Variants in UNC13C observed in about 807,000 individuals in gnomAD.
UNC13C encodes the protein protein unc-13 homolog C.
In UNC13C, 174 loss-of-function variants were observed where a neutral mutation model predicts 245.4. The ratio of observed to expected loss-of-function variants is 0.71; its 90% CI spans 0.63 to 0.80. The LOEUF (loss-of-function observed/expected upper bound fraction) is 0.80. Among genes scored for constraint, UNC13C ranks in the 30% least tolerant of loss-of-function variants. UNC13C has a pLI of 0.00. For synonymous variants in UNC13C, 992 were observed against 895.1 expected (o/e 1.11, Z -1.93); for missense variants, 2,829 against 2,602.9 (o/e 1.09, Z -1.89).
At chr15:54,593,398 A>G (rs1898907611) in intron 30 of UNC13C, among the ~76,000 whole-genome samples, 1 of 152,154 alleles carries the variant, frequency 6.6e-6, no homozygotes, top group Non-Finnish European at 1.5e-5. Context: ...ATTTCTCCAA[A>G]TATGTTTTCC....
At chr15:54,490,734 G>A (rs1224006462) in intron 19 of UNC13C, among the ~76,000 whole-genome samples, 15 of 151,416 alleles carry the variant, frequency 9.9e-5, no homozygotes, top group Non-Finnish European at 1.8e-4. Context: ...AAAAACATGA[G>A]TAGAGAGACA....
At chr15:54,613,626 G>A (rs1022001730) in intron 30 of UNC13C, among the ~76,000 whole-genome samples, 3 of 151,958 alleles carry the variant, frequency 2.0e-5, no homozygotes, top group Non-Finnish European at 4.4e-5. Context: ...AGAGACCAGG[G>A]AGGAGAACTC....
intron 24 of UNC13C, among the ~76,000 whole-genome samples, chr15:54,517,512 T>C (rs1299767704): frequency 6.6e-6 from 1 of 152,116 alleles, no homozygotes; most frequent in African/African-American, 2.4e-5. Context: ...AGAGATGCCT[T>C]TTAGCACTTA....
chr15:54,543,054 G>T (rs554330372), intron 26 of UNC13C, among the ~76,000 whole-genome samples: 1 of 152,048 alleles, frequency 6.6e-6, no homozygotes, highest in Non-Finnish European at 1.5e-5. Flanking sequence ...ATGCTACCTG[G>T]TTATTTTGCC....
At chr15:54,346,037 T>C (rs2038852534) in intron 17 of UNC13C, among the ~76,000 whole-genome samples, 1 of 152,152 alleles carries the variant, frequency 6.6e-6, no homozygotes, top group Admixed American at 6.5e-5. Flanking sequence ...GGTGTTTCGG[T>C]TCTCTATTCT....
chr15:54,136,410 C>T (rs1050761318), intron 2 of UNC13C, among the ~76,000 whole-genome samples: 3 of 152,044 alleles, frequency 2.0e-5, no homozygotes, highest in Admixed American at 6.5e-5. Flanking sequence ...TTTATCATGA[C>T]ACTTTAGATT....
At chr15:54,361,640 C>T (rs1173915111) in intron 17 of UNC13C, among the ~76,000 whole-genome samples, 2 of 152,176 alleles carry the variant, frequency 1.3e-5, no homozygotes, top group Admixed American at 6.5e-5. Context: ...TGGTATTAGA[C>T]CTTTACTACT....
At chr15:54,119,632 C>G (rs1201823196) in intron 2 of UNC13C, among the ~76,000 whole-genome samples, 3 of 152,068 alleles carry the variant, frequency 2.0e-5, no homozygotes, top group African/African-American at 4.8e-5. Context: ...AAATTGAAAA[C>G]TAGAAATGAT....
chr15:53,894,825 A>T, the UNC13C span, among the ~76,000 whole-genome samples: 1 of 152,194 alleles, frequency 6.6e-6, no homozygotes, highest in Non-Finnish European at 1.5e-5. Context: ...TTTGATATTT[A>T]CAAAAGTCAA....
chr15:54,281,041 G>A (rs965863650), intron 10 of UNC13C, among the ~76,000 whole-genome samples: 9 of 151,922 alleles, frequency 5.9e-5, no homozygotes, highest in South Asian at 4.2e-4. Context: ...CAAGTGATCC[G>A]CCTGCCTCAG....
chr15:54,297,737 TAGC>T, intron 11 of UNC13C, 71 bp from the exon 12 acceptor site: 1 of 1,146,366 alleles, frequency 8.7e-7, no homozygotes, highest in Non-Finnish European at 1.3e-6. Flanking sequence ...TTTTGTTTTT[TAGC>T]TTTTGAGAGG....
chr15:54,522,088 G>A (rs1180672636), intron 24 of UNC13C, among the ~76,000 whole-genome samples: 1 of 152,122 alleles, frequency 6.6e-6, no homozygotes, highest in South Asian at 2.1e-4. Context: ...GCGAAAATTT[G>A]CAAAAGGAGA....
At chr15:54,491,773 C>A (rs1176991824) in intron 19 of UNC13C, among the ~76,000 whole-genome samples, 1 of 151,894 alleles carries the variant, frequency 6.6e-6, no homozygotes, top group African/African-American at 2.4e-5. Context: ...GAGGCCGAGG[C>A]GGGGGGATCA....
intron 30 of UNC13C, among the ~76,000 whole-genome samples, chr15:54,594,279 G>C (rs1430169119): frequency 1.3e-5 from 2 of 152,128 alleles, no homozygotes; most frequent in Admixed American, 1.3e-4. Flanking sequence ...GTGGCTGAAA[G>C]CTCTTTTTTT....
chr15:54,131,357 A>G (rs1218054612), intron 2 of UNC13C, among the ~76,000 whole-genome samples: 1 of 152,164 alleles, frequency 6.6e-6, no homozygotes, highest in Admixed American at 6.5e-5. Context: ...CCACATTGCG[A>G]TTAGGATATA....
At chr15:54,241,331 C>A (rs73411931) in intron 7 of UNC13C, among the ~76,000 whole-genome samples, 1 of 151,926 alleles carries the variant, frequency 6.6e-6, no homozygotes, top group East Asian at 1.9e-4. Flanking sequence ...ATCAGGAGAT[C>A]AAACCGGAGC....
intron 30 of UNC13C, among the ~76,000 whole-genome samples, chr15:54,600,133 T>A (rs1899329967): frequency 6.6e-6 from 1 of 152,040 alleles, no homozygotes; most frequent in Admixed American, 6.6e-5. Context: ...TAGTTTATGA[T>A]CTAATTTGTC....
At chr15:54,039,088 C>A (rs1418998670) in intron 2 of UNC13C, among the ~76,000 whole-genome samples, 2 of 152,118 alleles carry the variant, frequency 1.3e-5, no homozygotes, top group Non-Finnish European at 2.9e-5. Context: ...GGACCTCATG[C>A]CCTTTAGAAG....
intron 28 of UNC13C, 29 bp downstream of exon 28, chr15:54,549,720 A>T: frequency 1.4e-6 from 2 of 1,473,634 alleles, no homozygotes; most frequent in Non-Finnish European, 1.9e-6. Context: ...TTACTTATTC[A>T]TGGAAAGTAG....
Sources: gnomAD v4.1 joint callset for allele counts (sites outside exome capture counted in the v4.1 genomes callset) on GRCh38, gnomAD v4.1.1 for gene constraint, MANE v1.5 for transcripts, NCBI Gene and HGNC (gene_info 2026-07-23, HGNC 2026-07-21) for gene names.